Variants in TTL observed in about 807,000 individuals in gnomAD.
The protein encoded by TTL is tubulin--tyrosine ligase.
TTL carries 10 observed loss-of-function variants against 41.1 expected under a neutral mutation model. The ratio of observed to expected loss-of-function variants is 0.24; its 90% CI spans 0.15 to 0.41. The LOEUF is 0.41. TTL is among the 10% of genes least tolerant of loss of function. The probability of loss-of-function intolerance (pLI) is 1.00; values close to 1 mark genes in which losing one functional copy is unlikely to be tolerated. For synonymous variants in TTL, 175 were observed against 175.5 expected (o/e 1.00, Z 0.02); for missense variants, 367 against 460.4 (o/e 0.80, Z 1.86).
chr2:112,532,347 A>G lies in TTL; in HGVS notation c.*3552A>G. On this transcript the variant is annotated 3_prime_UTR_variant, in exon 7 of 7. Coordinates refer to ENST00000233336, the MANE Select transcript of TTL (RefSeq NM_153712.5). ...TGGAGAGGAAATGACTGCTGAAATA[A>G]GGCGATTGTATGAATATTTAAAATG... 1 of 227,752 alleles carries G rather than the reference A, an allele frequency of 4.4e-6. No individual in the cohort carries two copies. The highest frequency in any genetic ancestry group is 8.7e-6 in the Non-Finnish European group (1 of 114,598). The allele number at this position is 227,752 out of a possible 1,614,324, so 14.1% of individuals were successfully genotyped here.
chr2:112,500,503 G>A (rs1320634122), intron 3 of TTL, among the ~76,000 whole-genome samples: 3 of 152,084 alleles, frequency 2.0e-5, no homozygotes, highest in Admixed American at 6.6e-5. Flanking sequence ...CCCAGGAGGC[G>A]AAGGTTACAG....
chr2:112,503,325 T>C, intron 5 of TTL, 144 bp downstream of exon 5: 1 of 643,084 alleles, frequency 1.6e-6, no homozygotes. Context: ...CCTTTTAATG[T>C]CTGCAGGTTC....
chr2:112,486,905 G>A (rs1196499873), intron 2 of TTL, among the ~76,000 whole-genome samples: 1 of 152,192 alleles, frequency 6.6e-6, no homozygotes, highest in Non-Finnish European at 1.5e-5. Context: ...GTTGTTATGA[G>A]GATTAATTGA....
At chr2:112,485,885 T>C (rs759071616) in intron 1 of TTL, 32 bp from the exon 2 acceptor site, 2 of 1,563,482 alleles carry the variant, frequency 1.3e-6, no homozygotes, top group Non-Finnish European at 1.7e-6. Flanking sequence ...CTGTGTCCTG[T>C]GTCCCTTCTG....
chr2:112,492,684 C>T (rs1015687248), intron 2 of TTL, among the ~76,000 whole-genome samples: 16 of 151,484 alleles, frequency 1.1e-4, no homozygotes, highest in South Asian at 2.1e-4. Flanking sequence ...GAGCCGAGGT[C>T]GCGCTACTGC....
intron 5 of TTL, among the ~76,000 whole-genome samples, chr2:112,518,351 T>C (rs765272849): frequency 4.0e-5 from 6 of 151,260 alleles, no homozygotes; most frequent in Non-Finnish European, 8.8e-5. Context: ...TTTAATGTGA[T>C]GTGTGCTTGT....
chr2:112,516,321 A>G (rs1191879081), intron 5 of TTL, among the ~76,000 whole-genome samples: 2 of 152,182 alleles, frequency 1.3e-5, no homozygotes, highest in African/African-American at 4.8e-5. Flanking sequence ...CCACAAGGAT[A>G]TCCCATTGAC....
intron 1 of TTL, chr2:112,484,050 A>C (rs1212916547): frequency 6.6e-6 from 1 of 152,212 alleles, no homozygotes; most frequent in Non-Finnish European, 1.5e-5. Context: ...GTGAAAGCTT[A>C]GGTGGAATCA....
At chr2:112,500,992 A>G (rs1681678319) in intron 3 of TTL, among the ~76,000 whole-genome samples, 1 of 148,580 alleles carries the variant, frequency 6.7e-6, no homozygotes, top group African/African-American at 2.5e-5. Flanking sequence ...TAGCGTTGAC[A>G]CCTGTATGGA....
chr2:112,528,262 G>T (rs1341941205), intron 6 of TTL, among the ~76,000 whole-genome samples: 2 of 152,086 alleles, frequency 1.3e-5, no homozygotes, highest in Non-Finnish European at 2.9e-5. Flanking sequence ...TAGAAATGTG[G>T]TCATGATATA....
chr2:112,496,901 AGCTCC>A (rs1191001248), intron 3 of TTL, among the ~76,000 whole-genome samples: 2 of 151,756 alleles, frequency 1.3e-5, no homozygotes, highest in Non-Finnish European at 2.9e-5. Flanking sequence ...GCTCACTGCA[AGCTCC>A]GCCTCCCAGG....
At chr2:112,486,144 T>C in intron 2 of TTL, 149 bp downstream of exon 2, 1 of 741,628 alleles carries the variant, frequency 1.3e-6, no homozygotes, top group East Asian at 2.8e-5. Context: ...TTGGTTGCGG[T>C]CCAAAACATG....
chr2:112,518,657 G>A (rs1256140859), intron 5 of TTL, among the ~76,000 whole-genome samples: 1 of 148,050 alleles, frequency 6.8e-6, no homozygotes, highest in Non-Finnish European at 1.5e-5. Flanking sequence ...ACAGTTCCCT[G>A]TATCTTTTTC....
rs1424899247 is a variant in TTL at position 112,529,567 on chromosome 2, T to C, written c.*772T>C. On this transcript the variant is annotated 3_prime_UTR_variant, in exon 7 of 7. Coordinates refer to ENST00000233336, the MANE Select transcript of TTL (RefSeq NM_153712.5). ...AATATGATGATTCAATTTTCTCAAT[T>C]TTCTTTGCTTTAACCAAAATTCTAA... 4.4e-6 allele frequency: 1 copy of C among 229,006 alleles called. No homozygotes were observed. Among genetic ancestry groups the C allele is most frequent in the Non-Finnish European group, 8.7e-6 (1 of 115,372 alleles). 14.2% of individuals were successfully genotyped at this position (229,006 alleles called of 1,614,324 possible).
At position 112,536,095 on chromosome 2, in the gene TTL, T is replaced by C. The variant is rs1472450930; in HGVS notation, c.*7300T>C. 1 of 152,270 alleles carries C rather than the reference T, an allele frequency of 6.6e-6. No homozygotes were observed. Among genetic ancestry groups the C allele is most frequent in the Admixed American group, 6.5e-5 (1 of 15,272 alleles). 9.4% of individuals were successfully genotyped at this position (152,270 alleles called of 1,614,324 possible). A position where few individuals can be genotyped will look rare whatever the true frequency, so the allele number is the denominator to read the frequency against. ...GGAAGTGACAGGATCTCACTCTTTA[T>C]GGCTGAACAGTACTCCATTGTGTAT... On this transcript the variant is annotated 3_prime_UTR_variant, in exon 7 of 7. Coordinates refer to ENST00000233336, the MANE Select transcript of TTL (RefSeq NM_153712.5).
Position 112,530,253 on chromosome 2 carries a change from TACA to T in TTL, c.*1460_*1462del, listed in dbSNP as rs1321658710. 2 of 230,988 alleles carry T rather than the reference TACA, an allele frequency of 8.7e-6. No individual in the cohort carries two copies. The highest frequency in any genetic ancestry group is 6.1e-5 in the East Asian group (1 of 16,300). 14.3% of individuals were successfully genotyped at this position (230,988 alleles called of 1,614,324 possible). A position where few individuals can be genotyped will look rare whatever the true frequency, so the allele number is the denominator to read the frequency against. On this transcript the variant is annotated 3_prime_UTR_variant, in exon 7 of 7. Transcript: ENST00000233336. ...TTGAACATGATGAGATGTGAGAACT[TACA>T]ATGAAAAAGGCAATAATGATAGAAA...
At position 112,539,691 on chromosome 2, in the gene TTL, GA is replaced by G. The variant is rs1241643368; in HGVS notation, c.*10898del. ...TCTAGACAGAGCAATTCGACAAAAG[GA>G]AGGAAAGAAGACTGCGCATTCAGAT... is the stretch of plus-strand genomic sequence containing the variant. On this transcript the variant is annotated 3_prime_UTR_variant, in exon 7 of 7. Coordinates refer to ENST00000233336, the MANE Select transcript of TTL (RefSeq NM_153712.5). 1 of 152,172 alleles carries G rather than the reference GA, an allele frequency of 6.6e-6. No individual in the cohort carries two copies. Among genetic ancestry groups the G allele is most frequent in the African/African-American group, 2.4e-5 (1 of 41,430 alleles). 9.4% of individuals were successfully genotyped at this position (152,172 alleles called of 1,614,324 possible).
At position 112,533,144 on chromosome 2, in the gene TTL, C is replaced by G. The variant is rs1213021325; in HGVS notation, c.*4349C>G. On this transcript the variant is annotated 3_prime_UTR_variant, in exon 7 of 7. Coordinates refer to ENST00000233336, the MANE Select transcript of TTL (RefSeq NM_153712.5). ...CTGGCCTGCCTTCTGTGGCTGCTTCCACTTCATAAATATACCTCTGGCACA... is the reference window on the plus strand; with the variant it reads ...CTGGCCTGCCTTCTGTGGCTGCTTCGACTTCATAAATATACCTCTGGCACA... 1 of 152,218 alleles carries G rather than the reference C, an allele frequency of 6.6e-6. No homozygotes were observed. The highest frequency in any genetic ancestry group is 2.4e-5 in the African/African-American group (1 of 41,452). The allele number at this position is 152,218 out of a possible 1,614,324, so 9.4% of individuals were successfully genotyped here. A position where few individuals can be genotyped will look rare whatever the true frequency, so the allele number is the denominator to read the frequency against.
intron 5 of TTL, among the ~76,000 whole-genome samples, chr2:112,510,281 C>T (rs1400289297): frequency 6.6e-6 from 1 of 152,032 alleles, no homozygotes. Context: ...AGGTATACAC[C>T]ACTGTGCCTG....
Sources: allele counts gnomAD v4.1 joint callset (sites outside exome capture counted in the v4.1 genomes callset), GRCh38; gene constraint gnomAD v4.1.1; transcripts MANE v1.5; gene names NCBI Gene and HGNC (gene_info 2026-07-23, HGNC 2026-07-21).